The following CACNA2D2 variants were observed in gnomAD, a reference collection of about 807,000 sequenced individuals.
CACNA2D2 encodes the protein calcium voltage-gated channel auxiliary subunit alpha2delta 2.
A neutral mutation model predicts 166.4 loss-of-function variants in CACNA2D2; 48 were observed. The observed-to-expected ratio is 0.29, with a 90% CI of 0.23 to 0.37. The LOEUF (loss-of-function observed/expected upper bound fraction) is 0.37. CACNA2D2 is among the 10% of genes least tolerant of loss of function. The probability of loss-of-function intolerance (pLI) is 1.00; values close to 1 mark genes in which losing one functional copy is unlikely to be tolerated. For missense variants in CACNA2D2, 1,122 were observed against 1,433.0 expected, an observed-to-expected ratio of 0.78 and a Z score of 3.50; for synonymous variants, 561 against 573.7, an observed-to-expected ratio of 0.98 and a Z score of 0.32.
intron 2 of CACNA2D2, among the ~76,000 whole-genome samples, chr3:50,454,065 A>C (rs1709232471): frequency 1.3e-5 from 2 of 152,212 alleles, no homozygotes; most frequent in South Asian, 2.1e-4. Flanking sequence ...ATCAAGGGCA[A>C]ATAATAGCTT....
intron 2 of CACNA2D2, among the ~76,000 whole-genome samples, chr3:50,449,820 T>C (rs1302936447): frequency 6.6e-6 from 1 of 152,162 alleles, no homozygotes; most frequent in Non-Finnish European, 1.5e-5. Flanking sequence ...GACACAGGCA[T>C]TCAGCCCGGG....
chr3:50,411,190 G>A (rs978258148), intron 3 of CACNA2D2, among the ~76,000 whole-genome samples: 3 of 152,132 alleles, frequency 2.0e-5, no homozygotes, highest in African/African-American at 4.8e-5. Flanking sequence ...CCAGGGGACC[G>A]CTCCTCAAAT....
At chr3:50,491,506 G>A (rs1402985624) in intron 1 of CACNA2D2, among the ~76,000 whole-genome samples, 1 of 152,192 alleles carries the variant, frequency 6.6e-6, no homozygotes, top group African/African-American at 2.4e-5. Context: ...AAGTTGCTCT[G>A]CCCACGTACT....
intron 1 of CACNA2D2, among the ~76,000 whole-genome samples, chr3:50,481,169 G>A (rs545424582): frequency 2.0e-5 from 3 of 152,120 alleles, no homozygotes; most frequent in East Asian, 1.9e-4. Flanking sequence ...CAGAGGGCAC[G>A]GGTGGGTGTG....
intron 2 of CACNA2D2, among the ~76,000 whole-genome samples, chr3:50,458,483 G>C (rs995982836): frequency 8.5e-5 from 13 of 152,280 alleles, no homozygotes; most frequent in African/African-American, 2.9e-4. Context: ...TGAGAGGGTG[G>C]TAAGAGACCA....
chr3:50,366,490 C>G lies in CACNA2D2; in HGVS notation c.2637+88G>C. The G allele has an allele frequency of 1.3e-6, 2 of 1,518,432 alleles. No homozygotes were observed. The highest frequency in any genetic ancestry group is 3.3e-5 in the Admixed American group (2 of 59,736). The allele number at this position is 1,518,432 out of a possible 1,614,324, so 94.1% of individuals were successfully genotyped here. On this transcript the variant is annotated intron_variant, in intron 30 of 37. Coordinates refer to ENST00000424201, the MANE Select transcript of CACNA2D2 (RefSeq NM_006030.4). The surrounding 1 kb of genome is among the most constrained non-coding windows in gnomAD (Gnocchi z 5.9). ...GGTGGGGATGTTGAGACCCACAGGC[C>G]AAGGGATGTGCTGGGAGTCGCGGCT... is the stretch of plus-strand genomic sequence containing the variant.
chr3:50,468,286 T>A (rs1559978196), intron 2 of CACNA2D2, among the ~76,000 whole-genome samples: 1 of 152,060 alleles, frequency 6.6e-6, no homozygotes, highest in Non-Finnish European at 1.5e-5. Context: ...TTCAACAAGA[T>A]GCAAGGGCTG....
At position 50,384,233 on chromosome 3, in the gene CACNA2D2, G is replaced by A. The variant is rs138163756; in HGVS notation, c.615C>T (p.Tyr205=). ...PNFKNKVNYS[Y]AAVQIPTDIY... ...TGTCCGTAGGGATCTGTACAGCCGC[G>A]TATGAATAGTTGACCTTGTTCTTGA... Residue 205 remains tyrosine, a synonymous_variant, in exon 6 of 38, where the codon TAC becomes TAT. Transcript: ENST00000424201. 7.3e-4 allele frequency: 1,186 copies of A among 1,614,196 alleles called. 2 individuals are homozygous for A. Among genetic ancestry groups the A allele is most frequent in the African/African-American group, 2.7e-3 (204 of 75,046 alleles).
chr3:50,408,788 G>A (rs1035453298), intron 3 of CACNA2D2, among the ~76,000 whole-genome samples: 2 of 152,188 alleles, frequency 1.3e-5, no homozygotes, highest in African/African-American at 2.4e-5. Flanking sequence ...GCCACTCCAC[G>A]ACAGGTAGGG....
In CACNA2D2 at chr3:50,366,862, C is replaced by T; in HGVS notation, c.2558G>A (p.Ser853Asn). 6.2e-7 allele frequency: 1 copy of T among 1,613,572 alleles called. No individual in the cohort carries two copies. Among genetic ancestry groups the T allele is most frequent in the South Asian group, 1.1e-5 (1 of 91,088 alleles). Residue 853 changes from serine to asparagine, a missense_variant, in exon 29 of 38, where the codon AGC becomes AAC. This residue lies in a region of CACNA2D2 where 840 missense variants were observed against 1,166.8 expected (regional missense o/e 0.72). Transcript: ENST00000424201. The surrounding 1 kb of genome is among the most constrained non-coding windows in gnomAD (Gnocchi z 5.9). ...AWAEKFKVLA[S>N]NRTHQDQPQK... The stretch of plus-strand genomic sequence containing the variant: ...AGGCTGGTCTTGGTGGGTACGGTTG[C>T]TGGCTAGCACCTTGAACTTCTCAGC...
intron 2 of CACNA2D2, among the ~76,000 whole-genome samples, chr3:50,436,061 C>T (rs375615970): frequency 6.6e-6 from 1 of 152,256 alleles, no homozygotes; most frequent in East Asian, 1.9e-4. Context: ...AGCCTAGCAC[C>T]TTACTATTGG....
chr3:50,454,000 A>G (rs1192347104), intron 2 of CACNA2D2, among the ~76,000 whole-genome samples: 1 of 152,154 alleles, frequency 6.6e-6, no homozygotes, highest in East Asian at 1.9e-4. Flanking sequence ...CTCCCCCTCC[A>G]CACCCGGGTT....
chr3:50,368,892 G>A (rs1383578069), intron 23 of CACNA2D2, among the ~76,000 whole-genome samples: 2 of 152,188 alleles, frequency 1.3e-5, no homozygotes, highest in South Asian at 2.1e-4. Flanking sequence ...TTGCTGCCTA[G>A]GAAGTCTTGG....
intron 6 of CACNA2D2, among the ~76,000 whole-genome samples, chr3:50,382,847 C>G (rs1395353129): frequency 6.6e-6 from 1 of 152,172 alleles, no homozygotes; most frequent in Non-Finnish European, 1.5e-5. Context: ...GACCCCTGCT[C>G]TGCGTGGGCT....
intron 23 of CACNA2D2, among the ~76,000 whole-genome samples, chr3:50,368,739 CAG>C (rs1704491650): frequency 6.6e-6 from 1 of 152,218 alleles, no homozygotes; most frequent in African/African-American, 2.4e-5. Context: ...CAGAGGGTGT[CAG>C]AAAGTCAGTG....
chr3:50,497,194 G>A (rs1031793320), intron 1 of CACNA2D2, among the ~76,000 whole-genome samples: 1 of 152,160 alleles, frequency 6.6e-6, no homozygotes, highest in African/African-American at 2.4e-5. Flanking sequence ...GGCGTGGAGA[G>A]GAGCAGGAAG....
At chr3:50,471,609 G>A (rs1192620541) in intron 2 of CACNA2D2, among the ~76,000 whole-genome samples, 1 of 152,244 alleles carries the variant, frequency 6.6e-6, no homozygotes, top group East Asian at 1.9e-4. Context: ...CAGAGTCAGT[G>A]TGTGAGTGTG....
At chr3:50,468,435 GTGTGT>G (rs1709922465) in intron 2 of CACNA2D2, among the ~76,000 whole-genome samples, 1 of 145,960 alleles carries the variant, frequency 6.9e-6, no homozygotes, top group Non-Finnish European at 1.5e-5. Flanking sequence ...GTGTGTGTGT[GTGTGT>G]GGCTTTAGGA....
At chr3:50,425,872 AG>A (rs1707784590) in intron 3 of CACNA2D2, among the ~76,000 whole-genome samples, 1 of 152,118 alleles carries the variant, frequency 6.6e-6, no homozygotes, top group South Asian at 2.1e-4. Flanking sequence ...GTGAGGTGCA[AG>A]GGTATTAAAA....
Sources: allele counts gnomAD v4.1 joint callset (sites outside exome capture counted in the v4.1 genomes callset), GRCh38; gene constraint gnomAD v4.1.1; regional missense constraint gnomAD v4.1.1; non-coding constraint Gnocchi (gnomAD v3.1); transcripts MANE v1.5; gene names NCBI Gene and HGNC (gene_info 2026-07-23, HGNC 2026-07-21).